Variants in MACROH2A1 observed in about 807,000 individuals in gnomAD.
MACROH2A1 encodes the protein core histone macro-H2A.1.
In MACROH2A1, 2 loss-of-function variants were observed where a neutral mutation model predicts 31.6. The ratio of observed to expected loss-of-function variants is 0.06; its 90% CI spans 0.03 to 0.20. MACROH2A1 has a LOEUF of 0.20. Ranked by LOEUF, MACROH2A1 falls within the 10% of genes least tolerant of loss-of-function variation. The probability of loss-of-function intolerance (pLI) is 1.00; values close to 1 mark genes in which losing one functional copy is unlikely to be tolerated. For synonymous variants in MACROH2A1, 169 were observed against 189.6 expected, an observed-to-expected ratio of 0.89 and a Z score of 0.89; for missense variants, 230 against 474.0, an observed-to-expected ratio of 0.49 and a Z score of 4.78.
chr5:135,370,707 G>C (rs1764072381), intron 2 of MACROH2A1, among the ~76,000 whole-genome samples: 1 of 152,230 alleles, frequency 6.6e-6, no homozygotes, highest in Non-Finnish European at 1.5e-5. Context: ...AAGTGTGTGT[G>C]TGTGGGGGGA....
chr5:135,364,186 A>G lies in MACROH2A1; in HGVS notation c.478-3579T>C, dbSNP rs370502507. The stretch of plus-strand genomic sequence containing the variant: ...GTTCTCACTCATAGGTGGGAATTGA[A>G]TAATGAGAACACTTAGACACAGGGC... On this transcript the variant is annotated intron_variant, in intron 4 of 8. Transcript: ENST00000511689. Among the ~76,000 whole-genome samples, 10 of 152,360 alleles carry G rather than the reference A, an allele frequency of 6.6e-5. 1 individual carries two copies. The East Asian group carries it at 1.5e-3, about 24-fold the overall frequency.
chr5:135,359,113 G>C (rs1259357774), intron 5 of MACROH2A1: 1 of 985,402 alleles, frequency 1.0e-6, no homozygotes, highest in African/African-American at 1.7e-5. Flanking sequence ...GGAGGTATGA[G>C]GAATTCTGAT....
rs1758355808 is a variant in MACROH2A1 at position 135,334,509 on chromosome 5, CA to C, written c.*466del. ...ATCCATCAATAAGACAAAAAGTAACCAAAAATTAGGTCTGTTGCAAATTCAT... is the reference window on the plus strand; with the variant it reads ...ATCCATCAATAAGACAAAAAGTAACCAAAATTAGGTCTGTTGCAAATTCAT... On this transcript the variant is annotated 3_prime_UTR_variant, in exon 9 of 9. Coordinates refer to ENST00000511689, the MANE Select transcript of MACROH2A1 (RefSeq NM_138610.3). The C allele has an allele frequency of 5.9e-6, 1 of 169,894 alleles. No individual in the cohort carries two copies. Among genetic ancestry groups the C allele is most frequent in the Non-Finnish European group, 1.3e-5 (1 of 79,212 alleles). The allele number at this position is 169,894 out of a possible 1,614,324, so 10.5% of individuals were successfully genotyped here.
chr5:135,348,321 A>C (rs1429380438), intron 6 of MACROH2A1, among the ~76,000 whole-genome samples: 1 of 152,244 alleles, frequency 6.6e-6, no homozygotes. Context: ...ATTTGCCCCC[A>C]AGCATAAACA....
At chr5:135,373,577 C>T (rs758541442) in intron 2 of MACROH2A1, among the ~76,000 whole-genome samples, 2 of 152,168 alleles carry the variant, frequency 1.3e-5, no homozygotes, top group African/African-American at 4.8e-5. Context: ...GGATGCCACA[C>T]TGGACCAACC....
intron 6 of MACROH2A1, chr5:135,351,057 G>A (rs2149769823): frequency 1.7e-6 from 1 of 584,672 alleles, no homozygotes; most frequent in East Asian, 2.8e-5. Context: ...CACGCAGTGT[G>A]CGCACATGTG....
chr5:135,358,812 A>G, intron 5 of MACROH2A1: 1 of 984,908 alleles, frequency 1.0e-6, no homozygotes, highest in Non-Finnish European at 1.2e-6. Context: ...ATTTTACTCT[A>G]CTGTACTTTA....
intron 1 of MACROH2A1, among the ~76,000 whole-genome samples, chr5:135,392,691 T>C (rs1767413286): frequency 6.6e-6 from 1 of 152,112 alleles, no homozygotes; most frequent in Non-Finnish European, 1.5e-5. Flanking sequence ...CAGGCACCCA[T>C]GACAAGGGGG....
chr5:135,341,661 C>T (rs1759893484), intron 8 of MACROH2A1, among the ~76,000 whole-genome samples: 1 of 152,226 alleles, frequency 6.6e-6, no homozygotes, highest in Non-Finnish European at 1.5e-5. Flanking sequence ...CTAGTTCTGC[C>T]ACCAGTACTT....
chr5:135,394,344 C>A (rs1379087244), intron 1 of MACROH2A1, among the ~76,000 whole-genome samples: 1 of 152,224 alleles, frequency 6.6e-6, no homozygotes, highest in Non-Finnish European at 1.5e-5. Context: ...CTTCTGCATT[C>A]CTGCCATGGC....
intron 8 of MACROH2A1, among the ~76,000 whole-genome samples, chr5:135,337,711 C>T (rs1316185918): frequency 2.0e-5 from 3 of 152,202 alleles, no homozygotes; most frequent in Admixed American, 1.3e-4. Flanking sequence ...GCAGGGTGGA[C>T]CCAGATGTTG....
chr5:135,360,390 G>C lies in MACROH2A1; in HGVS notation c.588+107C>G, dbSNP rs528998074. ...CTCACAGCCCACTCTGTCTACCCAC[G>C]AGGCTGGGAGTGGCCCCCGGGATCC... On this transcript the variant is annotated intron_variant, in intron 5 of 8. Transcript: ENST00000511689. The C allele has an allele frequency of 1.8e-4, 132 of 746,766 alleles. No homozygotes were observed. In the Middle Eastern group the frequency reaches 4.3e-3, roughly 24 times the overall value. The allele number at this position is 746,766 out of a possible 1,614,324, so 46.3% of individuals were successfully genotyped here. A position where few individuals can be genotyped will look rare whatever the true frequency, so the allele number is the denominator to read the frequency against.
chr5:135,383,725 G>C (rs1766004051), intron 2 of MACROH2A1, among the ~76,000 whole-genome samples: 1 of 151,244 alleles, frequency 6.6e-6, no homozygotes, highest in South Asian at 2.1e-4. Flanking sequence ...GTGTGTGTGT[G>C]TGTGTGTGTG....
At chr5:135,352,879 G>T in intron 6 of MACROH2A1, 67 bp downstream of exon 6, 1 of 878,604 alleles carries the variant, frequency 1.1e-6, no homozygotes, top group Non-Finnish European at 2.0e-6. Flanking sequence ...AAGATGAAAT[G>T]CCTAAATTCT....
At chr5:135,371,562 G>A (rs1247495974) in intron 2 of MACROH2A1, among the ~76,000 whole-genome samples, 2 of 152,218 alleles carry the variant, frequency 1.3e-5, no homozygotes, top group Non-Finnish European at 2.9e-5. Context: ...ACCAAAGATG[G>A]TGGGAACTAG....
chr5:135,337,773 G>A (rs1759028041), intron 8 of MACROH2A1, among the ~76,000 whole-genome samples: 1 of 152,230 alleles, frequency 6.6e-6, no homozygotes, highest in Non-Finnish European at 1.5e-5. Context: ...TAGACTTGCA[G>A]TGCCCACACC....
chr5:135,372,900 C>A (rs945641529), intron 2 of MACROH2A1, among the ~76,000 whole-genome samples: 1 of 152,186 alleles, frequency 6.6e-6, no homozygotes, highest in Non-Finnish European at 1.5e-5. Context: ...GAGGCCACAA[C>A]GAAGTTTTGG....
chr5:135,334,765 T>TAAC lies in MACROH2A1; in HGVS notation c.*208_*210dup. Reference sequence around the variant, plus strand: ...CAGACACGGTCTGGAACACAGTGCTTAACAACAGTAATGCCAACTATCAGT... The same window carrying TAAC: ...CAGACACGGTCTGGAACACAGTGCTTAACAACAACAGTAATGCCAACTATCAGT... On this transcript the variant is annotated 3_prime_UTR_variant, in exon 9 of 9. Coordinates refer to ENST00000511689, the MANE Select transcript of MACROH2A1 (RefSeq NM_138610.3). The TAAC allele has an allele frequency of 1.9e-6, 1 of 529,390 alleles. No individual in the cohort carries two copies. 32.8% of individuals were successfully genotyped at this position (529,390 alleles called of 1,614,324 possible).
intron 2 of MACROH2A1, among the ~76,000 whole-genome samples, chr5:135,379,600 TGACTA>T (rs1255615581): frequency 6.6e-6 from 1 of 152,148 alleles, no homozygotes; most frequent in Non-Finnish European, 1.5e-5. Context: ...TGGGTTGACT[TGACTA>T]GACATAGAAG....
Sources: allele counts gnomAD v4.1 joint callset (sites outside exome capture counted in the v4.1 genomes callset), GRCh38; gene constraint gnomAD v4.1.1; transcripts MANE v1.5; gene names NCBI Gene and HGNC (gene_info 2026-07-23, HGNC 2026-07-21).